ZHX3: variants seen among roughly 807,000 people sequenced by gnomAD.
ZHX3 encodes zinc fingers and homeoboxes 3.
In ZHX3, 20 loss-of-function variants were observed where a neutral mutation model predicts 64.5. The observed-to-expected ratio is 0.31, with a 90% CI of 0.22 to 0.45. ZHX3 has a LOEUF of 0.45. ZHX3 is among the 20% of genes least tolerant of loss of function. The probability of loss-of-function intolerance (pLI) is 1.00; values close to 1 mark genes in which losing one functional copy is unlikely to be tolerated. For synonymous variants in ZHX3, 423 were observed against 461.6 expected (o/e 0.92, Z 1.07); for missense variants, 1,041 against 1,195.8 (o/e 0.87, Z 1.91).
rs753370354 is a variant in ZHX3 at position 41,203,693 on chromosome 20, G to A, written c.1224C>T (p.Ala408=). The A allele has an allele frequency of 2.7e-5, 43 of 1,614,074 alleles. No homozygotes were observed. The highest frequency in any genetic ancestry group is 1.6e-4 in the South Asian group (15 of 91,080). Reference sequence around the variant, plus strand: ...GCCCCACAACGTGACCTGGAAGAGCGGCCTGGATGAGATGCTGGACATTGC... The same window carrying A: ...GCCCCACAACGTGACCTGGAAGAGCAGCCTGGATGAGATGCTGGACATTGC... ...SAGNVQHLIQ[A]ALPGHVVGQP... is the part of the protein sequence containing the mutation. Residue 408 remains alanine, a synonymous_variant, in exon 3 of 4, where the codon GCC becomes GCT. Coordinates refer to ENST00000683867, the MANE Select transcript of ZHX3 (RefSeq NM_001384317.1). This position sits in a 1 kb window ranked among gnomAD's most constrained non-coding sequence, Gnocchi z 7.1.
At chr20:41,313,593 C>CTTTTTT (rs58599783) in intron 1 of ZHX3, among the ~76,000 whole-genome samples, 34 of 103,764 alleles carry the variant, frequency 3.3e-4, no homozygotes, top group East Asian at 1.5e-3. Context: ...ACTTTTAGGC[C>CTTTTTT]TTTTTTTTTT....
chr20:41,303,252 A>C (rs1600673088), intron 1 of ZHX3, among the ~76,000 whole-genome samples: 1 of 152,240 alleles, frequency 6.6e-6, no homozygotes, highest in Non-Finnish European at 1.5e-5. Context: ...GCCACATTCT[A>C]GTGCCACATC....
chr20:41,302,853 T>G (rs1405162225), intron 1 of ZHX3, among the ~76,000 whole-genome samples: 3 of 152,238 alleles, frequency 2.0e-5, no homozygotes, highest in African/African-American at 7.2e-5. Flanking sequence ...TCTACTGTTT[T>G]AAGCCACTGA....
At chr20:41,256,797 C>T (rs886381420) in intron 2 of ZHX3, among the ~76,000 whole-genome samples, 2 of 151,764 alleles carry the variant, frequency 1.3e-5, no homozygotes, top group Non-Finnish European at 2.9e-5. Context: ...CATTCTTCAT[C>T]TAAACATGTT....
At chr20:41,213,831 G>A (rs538639688) in intron 2 of ZHX3, 1 of 152,224 alleles carries the variant, frequency 6.6e-6, no homozygotes, top group African/African-American at 2.4e-5. Flanking sequence ...AGCAGCTCAC[G>A]TCTGTAATCC....
chr20:41,257,953 TG>T (rs1054455879), intron 2 of ZHX3, among the ~76,000 whole-genome samples: 10 of 130,340 alleles, frequency 7.7e-5, no homozygotes, highest in Non-Finnish European at 1.6e-5. Context: ...TCAGCCAGGC[TG>T]GGGTACAGTG....
chr20:41,196,344 TA>T (rs1324787562), intron 3 of ZHX3, among the ~76,000 whole-genome samples: 1 of 105,880 alleles, frequency 9.4e-6, no homozygotes, highest in African/African-American at 3.7e-5. Context: ...ATTTCATATA[TA>T]AATATATATC....
intron 2 of ZHX3, among the ~76,000 whole-genome samples, chr20:41,210,321 A>G (rs994590773): frequency 2.0e-5 from 3 of 152,220 alleles, no homozygotes; most frequent in Admixed American, 1.3e-4. Flanking sequence ...TAGAAATACC[A>G]TTTGACCCAG....
rs1454889554 is a variant in ZHX3 at position 41,203,590 on chromosome 20, G to A, written c.1327C>T (p.Leu443Phe). ...GGGACGGATGTCACCGTGAGGGGGA[G>A]AGGGGAACTTGTTGCTTGCAACCCA... ...ANGLQATSSP[L>F]PLTVTSVPKQ... Residue 443 changes from leucine to phenylalanine, a missense_variant, in exon 3 of 4, where the codon CTC (leucine) becomes TTC (phenylalanine). This residue lies in a region of ZHX3 where 649 missense variants were observed against 739.8 expected (regional missense o/e 0.88). Coordinates refer to ENST00000683867, the MANE Select transcript of ZHX3 (RefSeq NM_001384317.1). The surrounding 1 kb of genome is among the most constrained non-coding windows in gnomAD (Gnocchi z 7.1). 1.2e-6 allele frequency: 2 copies of A among 1,614,240 alleles called. No homozygotes were observed. The highest frequency in any genetic ancestry group is 2.2e-5 in the East Asian group (1 of 44,892).
intron 2 of ZHX3, among the ~76,000 whole-genome samples, chr20:41,237,238 T>C (rs1306030792): frequency 1.3e-5 from 2 of 152,186 alleles, no homozygotes; most frequent in Non-Finnish European, 2.9e-5. Flanking sequence ...AGAAATGCCA[T>C]TTGACCCAGC....
chr20:41,282,704 TG>T (rs1354658081), intron 1 of ZHX3, among the ~76,000 whole-genome samples: 1 of 152,152 alleles, frequency 6.6e-6, no homozygotes, highest in Non-Finnish European at 1.5e-5. Flanking sequence ...CTTTAAATGG[TG>T]GCCAAATATC....
At chr20:41,244,345 AACTCCCTCAGGTATGGACTCTG>A (rs2041564444) in intron 2 of ZHX3, among the ~76,000 whole-genome samples, 1 of 152,138 alleles carries the variant, frequency 6.6e-6, no homozygotes, top group Non-Finnish European at 1.5e-5. Flanking sequence ...TCCTCTCAGC[AACTCCCTCAGGTATGGACTCTG>A]ACTACCTTAA....
At position 41,200,721 on chromosome 20, in the gene ZHX3, T is replaced by C. The variant is rs1213406736; in HGVS notation, c.2860+1336A>G. ...TTTGTGGAACTGGATTTTGCCTTAG[T>C]ATGTTAATATGAGAAGAACAGGCTT... is the stretch of plus-strand genomic sequence containing the variant. On this transcript the variant is annotated intron_variant, in intron 3 of 3. Coordinates refer to ENST00000683867, the MANE Select transcript of ZHX3 (RefSeq NM_001384317.1). This position sits in a 1 kb window ranked among gnomAD's most constrained non-coding sequence, Gnocchi z 4.2. Among the ~76,000 whole-genome samples the C allele has an allele frequency of 6.6e-6, 1 of 152,150 alleles. No homozygotes were observed. Among genetic ancestry groups the C allele is most frequent in the African/African-American group, 2.4e-5 (1 of 41,414 alleles).
At chr20:41,234,606 C>T (rs1309936359) in intron 2 of ZHX3, among the ~76,000 whole-genome samples, 1 of 152,360 alleles carries the variant, frequency 6.6e-6, no homozygotes, top group African/African-American at 2.4e-5. Flanking sequence ...CTTGAGCACT[C>T]AGAAGAATTT....
chr20:41,227,767 G>T (rs925060905), intron 2 of ZHX3, among the ~76,000 whole-genome samples: 1 of 152,102 alleles, frequency 6.6e-6, no homozygotes, highest in Non-Finnish European at 1.5e-5. Flanking sequence ...ATATTGGTTT[G>T]TTATTACATA....
At position 41,195,246 on chromosome 20, in the gene ZHX3, G is replaced by T. The variant is rs2037389539; in HGVS notation, c.2860+6811C>A. The stretch of plus-strand genomic sequence containing the variant: ...TCCTCCCACCCCAGACACCTGAGTA[G>T]CTGGCACTACAGGAACATGCCACCA... On this transcript the variant is annotated intron_variant, in intron 3 of 3. Transcript: ENST00000683867. The surrounding 1 kb of genome is among the most constrained non-coding windows in gnomAD (Gnocchi z 4.2). Among the ~76,000 whole-genome samples, 1 of 152,070 alleles carries T rather than the reference G, an allele frequency of 6.6e-6. No homozygotes were observed. The highest frequency in any genetic ancestry group is 1.5e-5 in the Non-Finnish European group (1 of 68,020).
rs528289132 is a variant in ZHX3 at position 41,208,747 on chromosome 20, C to A, written c.-150-3681G>T. Among the ~76,000 whole-genome samples, 131 of 152,220 alleles carry A rather than the reference C, an allele frequency of 8.6e-4. 1 individual carries two copies. Among genetic ancestry groups the A allele is most frequent in the Non-Finnish European group, 1.4e-3 (96 of 68,020 alleles). On this transcript the variant is annotated intron_variant, in intron 2 of 3. Transcript: ENST00000683867. ...CACAGCCAATATCATACTGAATGGGCAAAAACTGGAAGCATTCCCTTTGAA... is the reference window on the plus strand; with the variant it reads ...CACAGCCAATATCATACTGAATGGGAAAAAACTGGAAGCATTCCCTTTGAA...
chr20:41,211,108 A>G (rs757723856), intron 2 of ZHX3, among the ~76,000 whole-genome samples: 1 of 152,178 alleles, frequency 6.6e-6, no homozygotes, highest in Non-Finnish European at 1.5e-5. Flanking sequence ...GACCGAAATT[A>G]AACAGTTGAT....
chr20:41,259,033 A>G (rs1002279930), intron 2 of ZHX3, among the ~76,000 whole-genome samples: 42 of 152,204 alleles, frequency 2.8e-4, no homozygotes, highest in Admixed American at 6.5e-5. Flanking sequence ...TTAAAAAAAT[A>G]TAATTGTGGA....
Sources: gnomAD v4.1 joint callset for allele counts (sites outside exome capture counted in the v4.1 genomes callset) on GRCh38, gnomAD v4.1.1 for gene constraint, gnomAD v4.1.1 regional missense constraint, Gnocchi (gnomAD v3.1) non-coding constraint, MANE v1.5 for transcripts, NCBI Gene and HGNC (gene_info 2026-07-23, HGNC 2026-07-21) for gene names.